IQCJ: variants seen among roughly 807,000 people sequenced by gnomAD.
IQCJ encodes IQ domain-containing protein J.
IQCJ carries 9 observed loss-of-function variants against 11.0 expected under a neutral mutation model. That is an observed-to-expected ratio of 0.82 (90% CI 0.49 to 1.43). The LOEUF is 1.43. Ranked by LOEUF, IQCJ falls within the 40% of genes most tolerant of loss-of-function variation. The pLI, the probability that IQCJ is intolerant of heterozygous loss-of-function variation, is 0.00. For missense variants in IQCJ, 146 were observed against 133.2 expected, an observed-to-expected ratio of 1.10 and a Z score of -0.47; for synonymous variants, 55 against 51.3, an observed-to-expected ratio of 1.07 and a Z score of -0.31.
chr3:159,101,144 G>A lies in IQCJ; in HGVS notation c.9+31703G>A, dbSNP rs113246786. ...GTGACCCGATTTTCCAGGTGCGTCCGTCACCCCTTTCTTTGACTCGGAAAG... is the reference window on the plus strand; with the variant it reads ...GTGACCCGATTTTCCAGGTGCGTCCATCACCCCTTTCTTTGACTCGGAAAG... On this transcript the variant is annotated intron_variant, in intron 1 of 3. Coordinates refer to ENST00000397832, the MANE Select transcript of IQCJ (RefSeq NM_001042706.3). Among the ~76,000 whole-genome samples the A allele has an allele frequency of 5.5e-3, 801 of 144,444 alleles. 6 individuals are homozygous for A. The highest frequency in any genetic ancestry group is 0.019 in the African/African-American group (735 of 38,318). 94.8% of individuals were successfully genotyped at this position (144,444 alleles called of 152,430 possible).
At chr3:159,244,685 T>C (rs749787009) in intron 1 of IQCJ, among the ~76,000 whole-genome samples, 1 of 152,040 alleles carries the variant, frequency 6.6e-6, no homozygotes, top group African/African-American at 2.4e-5. Flanking sequence ...GTTGGAAGGA[T>C]TGGGGAGAAG....
chr3:159,217,088 T>TG (rs1725279894), intron 1 of IQCJ, among the ~76,000 whole-genome samples: 1 of 152,162 alleles, frequency 6.6e-6, no homozygotes. Context: ...GTCTTATCCC[T>TG]GGCTGCACAG....
At chr3:159,160,768 T>C (rs1721802293) in intron 1 of IQCJ, among the ~76,000 whole-genome samples, 1 of 147,812 alleles carries the variant, frequency 6.8e-6, no homozygotes, top group African/African-American at 2.5e-5. Flanking sequence ...CACCTATGAG[T>C]GAGAATATGC....
chr3:159,083,932 C>G (rs377033429), intron 1 of IQCJ, among the ~76,000 whole-genome samples: 15 of 151,902 alleles, frequency 9.9e-5, no homozygotes, highest in African/African-American at 3.1e-4. Flanking sequence ...GCGGGTGGGC[C>G]GTAAAAGGGT....
At chr3:159,247,610 A>G (rs1727349965) in intron 2 of IQCJ, among the ~76,000 whole-genome samples, 1 of 152,182 alleles carries the variant, frequency 6.6e-6, no homozygotes, top group African/African-American at 2.4e-5. Context: ...CCTCTTGGGC[A>G]TGGGGCAAGA....
chr3:159,119,804 G>T (rs1719248253), intron 1 of IQCJ, among the ~76,000 whole-genome samples: 1 of 152,128 alleles, frequency 6.6e-6, no homozygotes, highest in Non-Finnish European at 1.5e-5. Flanking sequence ...TTCCGTATGG[G>T]TTGGGGAAGA....
At chr3:159,135,405 T>C (rs1720230461) in intron 1 of IQCJ, among the ~76,000 whole-genome samples, 1 of 152,176 alleles carries the variant, frequency 6.6e-6, no homozygotes, top group East Asian at 1.9e-4. Flanking sequence ...ACTGTGTTGT[T>C]AAGACAGCAT....
At chr3:159,083,786 C>T (rs1716498191) in intron 1 of IQCJ, among the ~76,000 whole-genome samples, 2 of 152,084 alleles carry the variant, frequency 1.3e-5, no homozygotes, top group Non-Finnish European at 2.9e-5. Flanking sequence ...GTATTCTCCA[C>T]TGAGTGAAGA....
At chr3:159,181,480 G>A (rs1723089384) in intron 1 of IQCJ, among the ~76,000 whole-genome samples, 2 of 149,782 alleles carry the variant, frequency 1.3e-5, no homozygotes, top group Admixed American at 6.6e-5. Context: ...TCCCTGAGTT[G>A]TCACCTGAAC....
intron 1 of IQCJ, among the ~76,000 whole-genome samples, chr3:159,242,028 T>G (rs955996976): frequency 2.0e-5 from 3 of 152,200 alleles, no homozygotes; most frequent in African/African-American, 7.2e-5. Flanking sequence ...TAATGTTGAT[T>G]GTAATTGTGC....
At chr3:159,158,010 T>C (rs1316556712) in intron 1 of IQCJ, among the ~76,000 whole-genome samples, 1 of 151,674 alleles carries the variant, frequency 6.6e-6, no homozygotes, top group Non-Finnish European at 1.5e-5. Flanking sequence ...ACAATGAATA[T>C]TTTTTGTGCA....
At chr3:159,227,358 T>C (rs1022322651) in intron 1 of IQCJ, among the ~76,000 whole-genome samples, 7 of 152,254 alleles carry the variant, frequency 4.6e-5, no homozygotes, top group Admixed American at 3.9e-4. Context: ...ACTACTTATA[T>C]TGATATTTTT....
At chr3:159,089,748 A>T (rs6441249) in intron 1 of IQCJ, among the ~76,000 whole-genome samples, 8 of 151,412 alleles carry the variant, frequency 5.3e-5, no homozygotes, top group African/African-American at 9.8e-5. Flanking sequence ...ACGTAGTTCT[A>T]GAGCCTTGGT....
At chr3:159,205,441 A>G (rs1279723213) in intron 1 of IQCJ, among the ~76,000 whole-genome samples, 1 of 152,162 alleles carries the variant, frequency 6.6e-6, no homozygotes, top group Non-Finnish European at 1.5e-5. Context: ...CAGAGTTTTT[A>G]TTGGGTTCTA....
intron 1 of IQCJ, among the ~76,000 whole-genome samples, chr3:159,232,084 C>T (rs149360709): frequency 1.3e-3 from 202 of 152,218 alleles, no homozygotes; most frequent in Middle Eastern, 3.4e-3. Context: ...AAAACCAGCT[C>T]CTGGAGTCAT....
intron 3 of IQCJ, among the ~76,000 whole-genome samples, chr3:159,258,954 C>T (rs1001361660): frequency 5.9e-5 from 9 of 152,184 alleles, no homozygotes; most frequent in African/African-American, 1.9e-4. Context: ...ACTTCTGTGC[C>T]TTTGCCCAAA....
intron 1 of IQCJ, among the ~76,000 whole-genome samples, chr3:159,180,790 T>A (rs1033058303): frequency 3.3e-5 from 5 of 152,062 alleles, no homozygotes; most frequent in African/African-American, 1.2e-4. Context: ...CATAACTCTA[T>A]CTGATATAGC....
chr3:159,201,627 C>CTTTTTTTCTTTT (rs1724345889), intron 1 of IQCJ, among the ~76,000 whole-genome samples: 2 of 70,308 alleles, frequency 2.8e-5, no homozygotes, highest in East Asian at 1.0e-3. Context: ...GATAATGATT[C>CTTTTTTTCTTTT]TTTTTTTTTT....
rs535019015 is a variant in IQCJ, at chr3:159,144,202, T to C, written c.9+74761T>C. ...ACCAAAAGGGAAATTGATGTTCTGATAGATGAAGTGACCCAAAGAAGCTTG... is the reference window on the plus strand; with the variant it reads ...ACCAAAAGGGAAATTGATGTTCTGACAGATGAAGTGACCCAAAGAAGCTTG... On this transcript the variant is annotated intron_variant, in intron 1 of 3. Transcript: ENST00000397832. Among the ~76,000 whole-genome samples, 125 of 152,334 alleles carry C rather than the reference T, an allele frequency of 8.2e-4. 1 individual carries two copies. The highest frequency in any genetic ancestry group is 1.6e-3 in the Non-Finnish European group (107 of 68,028).
Sources: gnomAD v4.1 joint callset for allele counts (sites outside exome capture counted in the v4.1 genomes callset) on GRCh38, gnomAD v4.1.1 for gene constraint, MANE v1.5 for transcripts, NCBI Gene and HGNC (gene_info 2026-07-23, HGNC 2026-07-21) for gene names.